Variants in FOXO3 observed in about 807,000 individuals in gnomAD.
FOXO3 encodes forkhead box O3.
FOXO3 carries 4 observed loss-of-function variants against 41.9 expected under a neutral mutation model. The observed-to-expected ratio is 0.10, with a 90% CI of 0.05 to 0.22. The LOEUF (loss-of-function observed/expected upper bound fraction) is 0.22, where lower values mean the gene tolerates loss of function less well. Among genes scored for constraint, FOXO3 ranks in the 10% least tolerant of loss-of-function variants. The probability of loss-of-function intolerance (pLI) is 1.00; values close to 1 mark genes in which losing one functional copy is unlikely to be tolerated. For synonymous variants in FOXO3, 318 were observed against 389.3 expected (o/e 0.82, Z 2.16); for missense variants, 534 against 906.8 (o/e 0.59, Z 5.28).
intron 1 of FOXO3, chr6:108,639,461 A>G: frequency 5.7e-6 from 4 of 707,390 alleles, no homozygotes; most frequent in Non-Finnish European, 6.9e-6. Flanking sequence ...GAAAGCCAAT[A>G]AGACCATGTT....
intron 1 of FOXO3, among the ~76,000 whole-genome samples, chr6:108,587,886 C>T (rs1776627942): frequency 6.6e-6 from 1 of 152,172 alleles, no homozygotes; most frequent in Admixed American, 6.5e-5. Flanking sequence ...AGGATTCTTT[C>T]GCTTTGAGAT....
intron 1 of FOXO3, among the ~76,000 whole-genome samples, chr6:108,616,277 A>G (rs189501121): frequency 3.5e-5 from 5 of 143,642 alleles, no homozygotes; most frequent in Admixed American, 7.5e-5. Flanking sequence ...CCATTCTCCT[A>G]CCTCAGCCTC....
chr6:108,677,937 C>T (rs1418167112), intron 2 of FOXO3, among the ~76,000 whole-genome samples: 3 of 151,822 alleles, frequency 2.0e-5, no homozygotes, highest in African/African-American at 7.3e-5. Context: ...AAGAATGCCC[C>T]AAAAAACCAT....
At chr6:108,591,907 A>G (rs1776741771) in intron 1 of FOXO3, among the ~76,000 whole-genome samples, 1 of 152,184 alleles carries the variant, frequency 6.6e-6, no homozygotes, top group South Asian at 2.1e-4. Flanking sequence ...AAAAGTTTGG[A>G]AAATAGTGAC....
At chr6:108,658,071 A>C (rs1778740757) in intron 1 of FOXO3, among the ~76,000 whole-genome samples, 2 of 152,212 alleles carry the variant, frequency 1.3e-5, no homozygotes, top group African/African-American at 2.4e-5. Context: ...AGTTATATGC[A>C]GATGGTCCTG....
rs140767336 is a variant in FOXO3, at chr6:108,647,849, A to C, written c.622-15606A>C. 1.8e-3 allele frequency among the ~76,000 whole-genome samples: 268 copies of C among 152,358 alleles called. 2 individuals are homozygous for C. Among genetic ancestry groups the C allele is most frequent in the African/African-American group, 6.2e-3 (256 of 41,584 alleles). ...CTCATCATTAATAAGCTAGAAAATT[A>C]ACTCTTTTTTTGGAAACTTGGAGAG... On this transcript the variant is annotated intron_variant, in intron 1 of 2. Coordinates refer to ENST00000406360, the MANE Select transcript of FOXO3 (RefSeq NM_001455.4).
chr6:108,571,855 G>A (rs138401631), intron 1 of FOXO3, among the ~76,000 whole-genome samples: 52 of 152,286 alleles, frequency 3.4e-4, no homozygotes, highest in Admixed American at 5.2e-4. Context: ...AGTGGGAATG[G>A]CACAGTTGCA....
intron 1 of FOXO3, among the ~76,000 whole-genome samples, chr6:108,659,329 G>C (rs1394618133): frequency 1.3e-5 from 2 of 152,054 alleles, no homozygotes; most frequent in African/African-American, 4.8e-5. Context: ...TGATTCTTTA[G>C]ATAATCTGTT....
At chr6:108,619,718 A>G (rs1221963796) in intron 1 of FOXO3, among the ~76,000 whole-genome samples, 1 of 152,216 alleles carries the variant, frequency 6.6e-6, no homozygotes, top group African/African-American at 2.4e-5. Context: ...TTTTGAAACA[A>G]TTCCTTCTAT....
At chr6:108,669,725 A>G (rs955647433) in intron 2 of FOXO3, among the ~76,000 whole-genome samples, 2 of 152,172 alleles carry the variant, frequency 1.3e-5, no homozygotes, top group Non-Finnish European at 2.9e-5. Flanking sequence ...CACTGGCTAC[A>G]TACGCTGTTT....
At chr6:108,570,566 G>A (rs1434329348) in intron 1 of FOXO3, among the ~76,000 whole-genome samples, 1 of 152,078 alleles carries the variant, frequency 6.6e-6, no homozygotes, top group Non-Finnish European at 1.5e-5. Context: ...GGGTTCAAGC[G>A]ATCCTCTTAC....
chr6:108,618,239 T>C, intron 1 of FOXO3: 2 of 801,014 alleles, frequency 2.5e-6, no homozygotes, highest in Non-Finnish European at 4.5e-6. Flanking sequence ...CAAATTAATA[T>C]GATTGTTCTT....
intron 2 of FOXO3, among the ~76,000 whole-genome samples, chr6:108,666,554 A>G (rs1353033447): frequency 1.3e-5 from 2 of 151,296 alleles, no homozygotes; most frequent in African/African-American, 4.9e-5. Context: ...TGTGTTCACC[A>G]GGATGGTCTC....
At chr6:108,671,950 C>T (rs570053472) in intron 2 of FOXO3, among the ~76,000 whole-genome samples, 83 of 152,326 alleles carry the variant, frequency 5.4e-4, no homozygotes, top group African/African-American at 1.9e-3. Flanking sequence ...TTTAAAGGAT[C>T]GCCTGAGAAG....
At chr6:108,576,658 A>G (rs1776269544) in intron 1 of FOXO3, among the ~76,000 whole-genome samples, 2 of 152,226 alleles carry the variant, frequency 1.3e-5, no homozygotes. Context: ...AAAAATTTAA[A>G]TGGATGAATC....
At chr6:108,655,173 G>A (rs1778650339) in intron 1 of FOXO3, among the ~76,000 whole-genome samples, 1 of 152,186 alleles carries the variant, frequency 6.6e-6, no homozygotes, top group African/African-American at 2.4e-5. Context: ...GGGTGGAGAA[G>A]CATCACAGAG....
At chr6:108,578,051 T>C (rs568592360) in intron 1 of FOXO3, among the ~76,000 whole-genome samples, 5 of 152,312 alleles carry the variant, frequency 3.3e-5, no homozygotes, top group Admixed American at 1.3e-4. Context: ...CTGAGAGATA[T>C]AAACTTACTG....
chr6:108,677,400 G>A (rs1213169092), intron 2 of FOXO3, among the ~76,000 whole-genome samples: 1 of 152,098 alleles, frequency 6.6e-6, no homozygotes, highest in African/African-American at 2.4e-5. Context: ...GCTCTGTTAG[G>A]GGCTCATGGG....
At chr6:108,608,939 G>T (rs1007670695) in intron 1 of FOXO3, among the ~76,000 whole-genome samples, 14 of 152,298 alleles carry the variant, frequency 9.2e-5, no homozygotes, top group African/African-American at 3.1e-4. Context: ...TTAATGCTCA[G>T]CAGTATAGAA....
Sources: gnomAD v4.1 joint callset for allele counts (sites outside exome capture counted in the v4.1 genomes callset) on GRCh38, gnomAD v4.1.1 for gene constraint, MANE v1.5 for transcripts, NCBI Gene and HGNC (gene_info 2026-07-23, HGNC 2026-07-21) for gene names.